The following DTNA variants were observed in gnomAD, a reference collection of about 807,000 sequenced individuals.
DTNA encodes the protein dystrophin-related protein 3.
In DTNA, 43 loss-of-function variants were observed where a neutral mutation model predicts 100.7. The observed-to-expected ratio is 0.43, with a 90% confidence interval of 0.33 to 0.55. DTNA has a LOEUF of 0.55. Among genes scored for constraint, DTNA ranks in the 20% least tolerant of loss-of-function variants. DTNA has a pLI of 0.04. For missense variants in DTNA, 798 were observed against 953.9 expected, an observed-to-expected ratio of 0.84 and a Z score of 2.15; for synonymous variants, 349 against 347.9, an observed-to-expected ratio of 1.00 and a Z score of -0.04.
chr18:34,629,002 G>T (rs2579813), intron 1 of DTNA, among the ~76,000 whole-genome samples: 151,259 of 152,288 alleles, frequency 0.99, 75,119 homozygotes, highest in East Asian at 1. Flanking sequence ...CACATTAACC[G>T]TTCTTCTTAG....
chr18:34,822,453 G>A (rs918438807), intron 9 of DTNA: 7 of 152,250 alleles, frequency 4.6e-5, no homozygotes, highest in African/African-American at 1.4e-4. Context: ...GCTGCTGGGT[G>A]TCATGAAGAT....
chr18:34,587,136 CA>C (rs2049225502), intron 1 of DTNA, among the ~76,000 whole-genome samples: 2 of 151,042 alleles, frequency 1.3e-5, no homozygotes, highest in African/African-American at 4.9e-5. Flanking sequence ...TAAATGCCAC[CA>C]TGCCTGGCTA....
At chr18:34,507,853 C>CT (rs1338205798) in intron 1 of DTNA, among the ~76,000 whole-genome samples, 1 of 151,384 alleles carries the variant, frequency 6.6e-6, no homozygotes, top group African/African-American at 2.4e-5. Context: ...AACCACTGCA[C>CT]TAGAGTAATC....
intron 1 of DTNA, among the ~76,000 whole-genome samples, chr18:34,562,062 G>A (rs2046690804): frequency 6.6e-6 from 1 of 152,086 alleles, no homozygotes; most frequent in Non-Finnish European, 1.5e-5. Flanking sequence ...TAGAGACTGT[G>A]GTAAAGTTAT....
chr18:34,570,176 C>G (rs1440290235), intron 1 of DTNA, among the ~76,000 whole-genome samples: 2 of 152,124 alleles, frequency 1.3e-5, no homozygotes, highest in Non-Finnish European at 2.9e-5. Context: ...TTTAATTCCC[C>G]CCACCAAAAT....
chr18:34,855,899 G>A (rs1445232799), intron 15 of DTNA, among the ~76,000 whole-genome samples: 2 of 152,040 alleles, frequency 1.3e-5, no homozygotes, highest in African/African-American at 2.4e-5. Context: ...GGGAAAGCAG[G>A]ACTTCTTTTG....
intron 2 of DTNA, among the ~76,000 whole-genome samples, chr18:34,762,950 A>T (rs983635810): frequency 6.6e-6 from 1 of 152,134 alleles, no homozygotes; most frequent in African/African-American, 2.4e-5. Flanking sequence ...CATCCTGGAG[A>T]AGTGCACCTT....
intron 17 of DTNA, 125 bp downstream of exon 17, chr18:34,864,187 CT>C: frequency 1.2e-6 from 1 of 820,580 alleles, no homozygotes; most frequent in Non-Finnish European, 2.0e-6. Flanking sequence ...TTGTTTCAAG[CT>C]CAGATGTAAA....
chr18:34,755,887 C>A, intron 1 of DTNA, 89 bp from the exon 2 acceptor site: 2 of 1,166,804 alleles, frequency 1.7e-6, no homozygotes, highest in Non-Finnish European at 2.5e-6. Flanking sequence ...GTGTTTGTGT[C>A]ACAAGTACAG....
chr18:34,514,981 G>C (rs1285806127), intron 1 of DTNA, among the ~76,000 whole-genome samples: 1 of 152,024 alleles, frequency 6.6e-6, no homozygotes, highest in African/African-American at 2.4e-5. Flanking sequence ...AAATTTTGCA[G>C]TGTGGGTGTT....
intron 3 of DTNA, chr18:34,767,625 A>C (rs2093556486): frequency 6.6e-6 from 1 of 152,200 alleles, no homozygotes; most frequent in African/African-American, 2.4e-5. Flanking sequence ...GCAGAGTCTC[A>C]AGATGGTGCA....
intron 1 of DTNA, among the ~76,000 whole-genome samples, chr18:34,690,788 A>G (rs2079637814): frequency 6.6e-6 from 1 of 152,374 alleles, no homozygotes; most frequent in Admixed American, 6.5e-5. Flanking sequence ...AATACTTTCT[A>G]AATAAATGGC....
intron 1 of DTNA, among the ~76,000 whole-genome samples, chr18:34,643,998 C>T (rs562349289): frequency 1.8e-4 from 28 of 152,202 alleles, no homozygotes; most frequent in Non-Finnish European, 3.5e-4. Flanking sequence ...ATGTTGTTCT[C>T]TCTAAATTAT....
chr18:34,551,665 T>A (rs1472690386), intron 1 of DTNA, among the ~76,000 whole-genome samples: 1 of 152,140 alleles, frequency 6.6e-6, no homozygotes, highest in African/African-American at 2.4e-5. Context: ...GTTTGCTTTA[T>A]GTATAATATC....
At chr18:34,607,064 C>CT (rs1270778038) in intron 1 of DTNA, among the ~76,000 whole-genome samples, 1 of 152,160 alleles carries the variant, frequency 6.6e-6, no homozygotes, top group Non-Finnish European at 1.5e-5. Context: ...GTATCCAGTT[C>CT]TTTGAATTCT....
intron 1 of DTNA, among the ~76,000 whole-genome samples, chr18:34,740,968 A>AGCAT (rs2090540335): frequency 6.6e-6 from 1 of 152,120 alleles, no homozygotes; most frequent in Non-Finnish European, 1.5e-5. Context: ...GAATCAGAGG[A>AGCAT]GCATGATGTA....
In DTNA at chr18:34,884,791, A is replaced by G. The variant is rs1241042492; in HGVS notation, c.*31+15A>G. ...ACTCCTCTCAAGTAAGTACCATCTT[A>G]TTTAGGAGGAATCATGGCCACTGTA... is the stretch of plus-strand genomic sequence containing the variant. On this transcript the variant is annotated intron_variant, in intron 22 of 22. Transcript: ENST00000444659. The G allele has an allele frequency of 6.2e-7, 1 of 1,613,758 alleles. No individual in the cohort carries two copies.
intron 9 of DTNA, among the ~76,000 whole-genome samples, chr18:34,825,466 T>C (rs1374859383): frequency 1.3e-5 from 2 of 152,212 alleles, no homozygotes; most frequent in Non-Finnish European, 2.9e-5. Flanking sequence ...CAGAAGGCCA[T>C]TGTGACTTAC....
chr18:34,844,664 A>G (rs1262601463), intron 13 of DTNA, among the ~76,000 whole-genome samples: 1 of 152,168 alleles, frequency 6.6e-6, no homozygotes. Flanking sequence ...AAATATGAAA[A>G]GAAAATATAG....
Sources: gnomAD v4.1 joint callset for allele counts (sites outside exome capture counted in the v4.1 genomes callset) on GRCh38, gnomAD v4.1.1 for gene constraint, MANE v1.5 for transcripts, NCBI Gene and HGNC (gene_info 2026-07-23, HGNC 2026-07-21) for gene names.